The following ZDHHC6 variants were observed in gnomAD, a reference collection of about 807,000 sequenced individuals.
The protein encoded by ZDHHC6 is zDHHC palmitoyltransferase 6.
Under a neutral mutation model 57.8 loss-of-function variants are expected in ZDHHC6, and 32 were observed. That is an observed-to-expected ratio of 0.55 (90% CI 0.42 to 0.74). ZDHHC6 has a LOEUF of 0.74. ZDHHC6 is among the 30% of genes least tolerant of loss of function. The pLI is 0.00. For synonymous variants in ZDHHC6, 128 were observed against 158.0 expected (o/e 0.81, Z 1.42); for missense variants, 433 against 500.7 (o/e 0.86, Z 1.29).
chr10:112,425,834 A>G (rs912846412), downstream of ZDHHC6, among the ~76,000 whole-genome samples: 2 of 151,640 alleles, frequency 1.3e-5, no homozygotes, highest in African/African-American at 4.8e-5. Flanking sequence ...AAACTGTTGC[A>G]ATATATATAA....
chr10:112,447,150 C>T, upstream of ZDHHC6: 1 of 530,000 alleles, frequency 1.9e-6, no homozygotes, highest in Non-Finnish European at 3.4e-6. Context: ...ACTTACTTAT[C>T]TTAAAGTCGG....
At chr10:112,428,481 C>T, downstream of ZDHHC6, 1 of 398,472 alleles carries the variant, frequency 2.5e-6, no homozygotes, top group Non-Finnish European at 4.4e-6. Context: ...CTTGGGTACA[C>T]AATAGAATTA....
At chr10:112,441,848 C>T (rs1846146595) in intron 4 of ZDHHC6, among the ~76,000 whole-genome samples, 1 of 152,172 alleles carries the variant, frequency 6.6e-6, no homozygotes, top group South Asian at 2.1e-4. Context: ...TACAACTTGC[C>T]ACATGAATGG....
chr10:112,425,430 C>T (rs747054417), downstream of ZDHHC6: 3 of 1,613,336 alleles, frequency 1.9e-6, no homozygotes, highest in South Asian at 2.2e-5. Flanking sequence ...AAAATATCTA[C>T]AACAGGAGTC....
chr10:112,426,129 A>G (rs1028271211), downstream of ZDHHC6: 33 of 675,898 alleles, frequency 4.9e-5, no homozygotes, highest in African/African-American at 6.0e-4. Context: ...AGAAAAGAAC[A>G]CTAGTACTGG....
At chr10:112,426,097 A>AC (rs1844687651), downstream of ZDHHC6, among the ~76,000 whole-genome samples, 1 of 22,258 alleles carries the variant, frequency 4.5e-5, no homozygotes, top group South Asian at 2.8e-3. Flanking sequence ...TTACAGTTCC[A>AC]TGGTGTTGAA....
chr10:112,431,892 T>C (rs141845173), intron 10 of ZDHHC6, among the ~76,000 whole-genome samples: 5 of 152,302 alleles, frequency 3.3e-5, no homozygotes, highest in Admixed American at 1.3e-4. Flanking sequence ...TTTCAGTGCA[T>C]AGCTATGGGC....
chr10:112,437,419 C>A (rs1845645909), intron 6 of ZDHHC6, among the ~76,000 whole-genome samples: 1 of 152,122 alleles, frequency 6.6e-6, no homozygotes, highest in African/African-American at 2.4e-5. Context: ...GTATAAAAAT[C>A]TTATTGATAA....
At chr10:112,446,298 T>G (rs975498928) in intron 1 of ZDHHC6, among the ~76,000 whole-genome samples, 12 of 151,938 alleles carry the variant, frequency 7.9e-5, no homozygotes, top group African/African-American at 2.9e-4. Context: ...AGAGTGTGTG[T>G]GGTGTGTGTG....
intron 10 of ZDHHC6, among the ~76,000 whole-genome samples, chr10:112,431,736 GA>G (rs5787963): frequency 0.092 from 13,222 of 143,966 alleles, 685 homozygotes; most frequent in African/African-American, 0.1. Context: ...TAAAACTTAA[GA>G]AAAAAAAAAA....
chr10:112,439,686 T>G (rs76499420), intron 5 of ZDHHC6, among the ~76,000 whole-genome samples: 4,088 of 125,298 alleles, frequency 0.033, 307 homozygotes, highest in African/African-American at 0.12. Context: ...AAAAGAATGG[T>G]TTTTGGTCCC....
chr10:112,430,785 A>AT lies in ZDHHC6; in HGVS notation c.*18_*19insA. On this transcript the variant is annotated 3_prime_UTR_variant, in exon 11 of 11. Coordinates refer to ENST00000369405, the MANE Select transcript of ZDHHC6 (RefSeq NM_022494.3). Reference sequence around the variant, plus strand: ...AAGTAATTAAGCAGACTTAAAGGATAATTTTGTTTTAACAGCAGCTATCTA... The same window carrying AT: ...AAGTAATTAAGCAGACTTAAAGGATATATTTTGTTTTAACAGCAGCTATCTA... 6.3e-7 allele frequency: 1 copy of AT among 1,599,670 alleles called. No individual in the cohort carries two copies. Among genetic ancestry groups the AT allele is most frequent in the Middle Eastern group, 1.7e-4 (1 of 6,024 alleles).
At chr10:112,446,465 A>G (rs764813846) in intron 1 of ZDHHC6, 1 of 152,206 alleles carries the variant, frequency 6.6e-6, no homozygotes, top group Non-Finnish European at 1.5e-5. Context: ...CTGGATCTGA[A>G]GATCTGGAAG....
chr10:112,440,774 A>C, intron 4 of ZDHHC6, 79 bp from the exon 5 acceptor site: 1 of 1,395,624 alleles, frequency 7.2e-7, no homozygotes, highest in South Asian at 1.9e-5. Context: ...ACGTAAAACA[A>C]CTTGATCAAA....
chr10:112,438,250 T>C, intron 6 of ZDHHC6, 86 bp downstream of exon 6: 1 of 987,248 alleles, frequency 1.0e-6, no homozygotes, highest in Non-Finnish European at 1.3e-6. Context: ...TCCGGTCTAA[T>C]AACAGACTTT....
chr10:112,440,497 CT>C (rs761701107), intron 5 of ZDHHC6, 36 bp downstream of exon 5: 35 of 1,586,922 alleles, frequency 2.2e-5, no homozygotes, highest in Non-Finnish European at 1.4e-5. Context: ...GTCCCAACAA[CT>C]TGACACTTTT....
downstream of ZDHHC6, chr10:112,428,236 C>A (rs1414505640): frequency 3.1e-5 from 12 of 381,592 alleles, no homozygotes; most frequent in Admixed American, 3.6e-4. Flanking sequence ...AAGATGCCCA[C>A]ACAACAGGCT....
At chr10:112,445,816 C>T (rs565354101) in intron 1 of ZDHHC6, among the ~76,000 whole-genome samples, 166 bp from the exon 2 acceptor site, 205 of 152,348 alleles carry the variant, frequency 1.3e-3, no homozygotes, top group Non-Finnish European at 2.6e-3. Flanking sequence ...CTACTTTTGA[C>T]TTATCCAAAA....
chr10:112,446,776 A>G lies in ZDHHC6; in HGVS notation c.-286T>C. 1 of 167,360 alleles carries G rather than the reference A, an allele frequency of 6.0e-6. No homozygotes were observed. The highest frequency in any genetic ancestry group is 2.5e-3 in the Middle Eastern group (1 of 408). 10.4% of individuals were successfully genotyped at this position (167,360 alleles called of 1,614,324 possible). ...GGCGGCCTGGGCTCACCCGGAACAG[A>G]TTTTTTCCTCCTTGGATGACTCCGT... On this transcript the variant is annotated 5_prime_UTR_variant, in exon 1 of 11. Transcript: ENST00000369405.
Sources: gnomAD v4.1 joint callset for allele counts (sites outside exome capture counted in the v4.1 genomes callset) on GRCh38, gnomAD v4.1.1 for gene constraint, MANE v1.5 for transcripts, NCBI Gene and HGNC (gene_info 2026-07-23, HGNC 2026-07-21) for gene names.